Variants in ASXL3 observed in about 807,000 individuals in gnomAD.
ASXL3 encodes putative Polycomb group protein ASXL3.
In ASXL3, 34 loss-of-function variants were observed where a neutral mutation model predicts 170.6. The observed-to-expected ratio is 0.20, with a 90% CI of 0.15 to 0.27. The LOEUF is 0.27. Among genes scored for constraint, ASXL3 ranks in the 10% least tolerant of loss-of-function variants. The pLI, the probability that ASXL3 is intolerant of heterozygous loss-of-function variation, is 1.00. For missense variants in ASXL3, 2,592 were observed against 2,695.3 expected, an observed-to-expected ratio of 0.96 and a Z score of 0.85; for synonymous variants, 1,002 against 989.1, an observed-to-expected ratio of 1.01 and a Z score of -0.24.
chr18:33,715,164 AC>A (rs1267077875), intron 8 of ASXL3, among the ~76,000 whole-genome samples: 12 of 152,064 alleles, frequency 7.9e-5, no homozygotes, highest in Non-Finnish European at 1.8e-4. Flanking sequence ...TTGTGTCCAC[AC>A]TCTGGGGCTG....
chr18:33,672,737 T>TTG (rs1599475436), intron 7 of ASXL3, among the ~76,000 whole-genome samples: 1 of 152,234 alleles, frequency 6.6e-6, no homozygotes, highest in African/African-American at 2.4e-5. Context: ...TTGAGATAAT[T>TTG]CTTATTTGCA....
chr18:33,745,110 A>G lies in ASXL3; in HGVS notation c.5262A>G (p.Leu1754=), dbSNP rs2067754854. The G allele has an allele frequency of 6.2e-7, 1 of 1,613,888 alleles. No individual in the cohort carries two copies. The highest frequency in any genetic ancestry group is 1.7e-5 in the Admixed American group (1 of 60,006). Residue 1754 remains leucine, a synonymous_variant, in exon 12 of 12, where the codon CTA becomes CTG. Coordinates refer to ENST00000269197, the MANE Select transcript of ASXL3 (RefSeq NM_030632.3). ...ACAATCCGCTGGTGACGCAGTTACTACAGGGCAACCTGCCTTTGGAAAAAG... is the reference window on the plus strand; with the variant it reads ...ACAATCCGCTGGTGACGCAGTTACTGCAGGGCAACCTGCCTTTGGAAAAAG... The part of the protein sequence containing the change: ...EANNPLVTQL[L]QGNLPLEKVL...
chr18:33,627,449 A>G (rs932111244), intron 2 of ASXL3, among the ~76,000 whole-genome samples: 5 of 152,128 alleles, frequency 3.3e-5, no homozygotes, highest in Non-Finnish European at 7.4e-5. Flanking sequence ...TGAAAATCCT[A>G]TGTAATATTA....
At chr18:33,603,133 CAG>C (rs1370577667) in intron 1 of ASXL3, among the ~76,000 whole-genome samples, 10 of 152,030 alleles carry the variant, frequency 6.6e-5, no homozygotes, top group Admixed American at 6.6e-4. Flanking sequence ...TAAGCTCTCT[CAG>C]AAAGTTTTAT....
In ASXL3 at chr18:33,699,707, C is replaced by T. The variant is rs375869658; in HGVS notation, c.879+16139C>T. On this transcript the variant is annotated intron_variant, in intron 8 of 11. Coordinates refer to ENST00000269197, the MANE Select transcript of ASXL3 (RefSeq NM_030632.3). Reference sequence around the variant, plus strand: ...AAATGGAACGTGTGCAATGGAACAACAAAATGGAGCATTAGATCTTCGAAT... The same window carrying T: ...AAATGGAACGTGTGCAATGGAACAATAAAATGGAGCATTAGATCTTCGAAT... Among the ~76,000 whole-genome samples, 175 of 152,122 alleles carry T rather than the reference C, an allele frequency of 1.2e-3. 2 individuals carry two copies. In the South Asian group the frequency reaches 0.034, roughly 30 times the overall value.
chr18:33,721,891 G>A (rs565065049), intron 8 of ASXL3, among the ~76,000 whole-genome samples: 3 of 151,878 alleles, frequency 2.0e-5, no homozygotes, highest in Admixed American at 2.0e-4. Flanking sequence ...CATTGTGTGT[G>A]TCTGTGTCAC....
intron 2 of ASXL3, among the ~76,000 whole-genome samples, chr18:33,642,374 G>A (rs918049458): frequency 7.9e-5 from 12 of 151,584 alleles, no homozygotes; most frequent in African/African-American, 1.7e-4. Flanking sequence ...CATTTGATGC[G>A]TATTTTTCAT....
In ASXL3 at chr18:33,737,165, AT is replaced by A. The variant is rs2067562554; in HGVS notation, c.1083-1321del. ...TTAGAGAACATTGAAAGGAAAGAGAATATGTATGAAGGCAGTATTTTCTACC... is the reference window on the plus strand; with the variant it reads ...TTAGAGAACATTGAAAGGAAAGAGAAATGTATGAAGGCAGTATTTTCTACC... On this transcript the variant is annotated intron_variant, in intron 10 of 11. Transcript: ENST00000269197. Among the ~76,000 whole-genome samples the A allele has an allele frequency of 2.0e-5, 3 of 152,316 alleles. No homozygotes were observed. The South Asian group carries it at 6.2e-4, about 32-fold the overall frequency.
chr18:33,673,203 G>A (rs1277163534), intron 7 of ASXL3, among the ~76,000 whole-genome samples: 1 of 152,042 alleles, frequency 6.6e-6, no homozygotes. Flanking sequence ...AAACATCTGC[G>A]GCCTTTAGTT....
Position 33,636,911 on chromosome 18 carries a change from C to G in ASXL3, c.138-7983C>G, listed in dbSNP as rs577423909. ...GTTTCCTTTGAGCATCATGTCGGTGCTCAAAAAGTTTCAAATTCTGGAGCA... is the reference window on the plus strand; with the variant it reads ...GTTTCCTTTGAGCATCATGTCGGTGGTCAAAAAGTTTCAAATTCTGGAGCA... On this transcript the variant is annotated intron_variant, in intron 2 of 11. Coordinates refer to ENST00000269197, the MANE Select transcript of ASXL3 (RefSeq NM_030632.3). Among the ~76,000 whole-genome samples the G allele has an allele frequency of 5.3e-5, 8 of 152,068 alleles. 1 individual carries two copies. Among genetic ancestry groups the G allele is most frequent in the Non-Finnish European group, 1.2e-4 (8 of 68,000 alleles).
chr18:33,732,105 A>G (rs149979379), intron 9 of ASXL3, 41 bp downstream of exon 9: 29,294 of 1,486,220 alleles, frequency 0.02, 338 homozygotes, highest in Non-Finnish European at 0.024. Flanking sequence ...ATATTGGAGT[A>G]CACATACCGT....
chr18:33,736,890 G>T (rs899280487), intron 10 of ASXL3, among the ~76,000 whole-genome samples: 2 of 152,046 alleles, frequency 1.3e-5, no homozygotes, highest in Non-Finnish European at 1.5e-5. Context: ...ATACAGTGCT[G>T]TTGTACATAT....
chr18:33,589,437 A>G (rs1222244203), intron 1 of ASXL3, among the ~76,000 whole-genome samples: 1 of 152,158 alleles, frequency 6.6e-6, no homozygotes, highest in African/African-American at 2.4e-5. Context: ...TTAAAAGTGA[A>G]ACTGGTTCAT....
chr18:33,707,114 C>G (rs1046864560), intron 8 of ASXL3, among the ~76,000 whole-genome samples: 1 of 151,518 alleles, frequency 6.6e-6, no homozygotes, highest in South Asian at 2.1e-4. Context: ...TTTGTCTGTC[C>G]TTACACCAAA....
Position 33,739,551 on chromosome 18 carries a change from C to A in ASXL3, c.2147C>A (p.Thr716Asn). 6.2e-7 allele frequency: 1 copy of A among 1,613,964 alleles called. No homozygotes were observed. The highest frequency in any genetic ancestry group is 1.3e-5 in the African/African-American group (1 of 75,066). Residue 716 changes from threonine to asparagine, a missense_variant, in exon 11 of 12, where the codon ACC becomes AAC. Thr to Asn is a moderately conservative substitution (Grantham distance 65). Coordinates refer to ENST00000269197, the MANE Select transcript of ASXL3 (RefSeq NM_030632.3). ...TCCAACTTACCTTTAACATCAGAAA[C>A]CTCACCGATGTCTGACTTACCTTTA... ...PVSNLPLTSE[T>N]SPMSDLPLTS... is the part of the protein sequence containing the mutation.
At chr18:33,704,078 C>G (rs1383372998) in intron 8 of ASXL3, among the ~76,000 whole-genome samples, 1 of 152,032 alleles carries the variant, frequency 6.6e-6, no homozygotes, top group Non-Finnish European at 1.5e-5. Flanking sequence ...ATAAACTGCT[C>G]TTTTCCAAAA....
intron 8 of ASXL3, among the ~76,000 whole-genome samples, chr18:33,686,375 T>G (rs1369945274): frequency 6.6e-6 from 1 of 152,144 alleles, no homozygotes; most frequent in Non-Finnish European, 1.5e-5. Flanking sequence ...TTTTACCAAG[T>G]TTAGTATAAA....
In ASXL3 at chr18:33,713,229, G is replaced by GTTTTTTTTTTTTTTTTTTTTTTTT. The variant is rs1478922106; in HGVS notation, c.880-18731_880-18730insTTTTTTTTTTTTTTTTTTTTTTTT. Among the ~76,000 whole-genome samples the GTTTTTTTTTTTTTTTTTTTTTTTT allele has an allele frequency of 8.6e-5, 7 of 81,760 alleles. 1 individual carries two copies. The highest frequency in any genetic ancestry group is 1.9e-4 in the African/African-American group (3 of 16,022). The allele number at this position is 81,760 out of a possible 152,430, so 53.6% of individuals were successfully genotyped here. The stretch of plus-strand genomic sequence containing the variant: ...GCAGTTAGCAATCTACCACAAGAAG[G>GTTTTTTTTTTTTTTTTTTTTTTTT]TTTTTTTTGTTTTGTTTTGTTTTTT... On this transcript the variant is annotated intron_variant, in intron 8 of 11. Coordinates refer to ENST00000269197, the MANE Select transcript of ASXL3 (RefSeq NM_030632.3).
Position 33,746,062 on chromosome 18 carries a change from T to C in ASXL3, c.6214T>C (p.Ser2072Pro). Residue 2072 changes from serine (S) to proline (P), a missense_variant, in exon 12 of 12, where the codon TCC (serine) becomes CCC (proline). By Grantham distance (74) the Ser-to-Pro change is moderately conservative. Transcript: ENST00000269197. The part of the protein sequence containing the change: ...ETTKRLSWPQ[S>P]TGICSNIKSE... ...CACTAAGAGACTTAGTTGGCCACAG[T>C]CCACGGGCATATGTAGCAATATAAA... is the stretch of plus-strand genomic sequence containing the variant. 1 of 1,613,162 alleles carries C rather than the reference T, an allele frequency of 6.2e-7. No homozygotes were observed. Among genetic ancestry groups the C allele is most frequent in the Non-Finnish European group, 8.5e-7 (1 of 1,179,832 alleles).
Sources: allele counts gnomAD v4.1 joint callset (sites outside exome capture counted in the v4.1 genomes callset), GRCh38; gene constraint gnomAD v4.1.1; transcripts MANE v1.5; gene names NCBI Gene and HGNC (gene_info 2026-07-23, HGNC 2026-07-21).